TNXB: variants seen among roughly 807,000 people sequenced by gnomAD.
TNXB encodes the protein tenascin-X.
A neutral mutation model predicts 340.5 loss-of-function variants in TNXB; 183 were observed. The observed-to-expected ratio is 0.54, with a 90% CI of 0.48 to 0.61. The LOEUF is 0.61. Among genes scored for constraint, TNXB ranks in the 20% least tolerant of loss-of-function variants. The probability of loss-of-function intolerance (pLI) is 0.00; values close to 1 mark genes in which losing one functional copy is unlikely to be tolerated. For missense variants in TNXB, 4,613 were observed against 5,446.4 expected (o/e 0.85, Z 4.82); for synonymous variants, 2,121 against 2,314.5 (o/e 0.92, Z 2.40).
At position 32,046,979 on chromosome 6, in the gene TNXB, C is replaced by T. The variant is rs181496811; in HGVS notation, c.10325-523G>A. Among the ~76,000 whole-genome samples the T allele has an allele frequency of 2.6e-5, 4 of 152,376 alleles. No homozygotes were observed. Among genetic ancestry groups the T allele is most frequent in the African/African-American group, 9.6e-5 (4 of 41,594 alleles). Reference sequence around the variant, plus strand: ...TGAACATCCGTGCCTCCTGCTTCCCCAGCCCCACACTGACCCCACTGGGCC... The same window carrying T: ...TGAACATCCGTGCCTCCTGCTTCCCTAGCCCCACACTGACCCCACTGGGCC... On this transcript the variant is annotated intron_variant, in intron 30 of 43. Transcript: ENST00000644971. This position sits in a 1 kb window ranked among gnomAD's most constrained non-coding sequence, Gnocchi z 6.9.
At chr6:32,077,321 G>A (rs1204907600) in intron 11 of TNXB, among the ~76,000 whole-genome samples, 1 of 152,230 alleles carries the variant, frequency 6.6e-6, no homozygotes, top group East Asian at 1.9e-4. Context: ...GCTGACTGAG[G>A]CAAAGAAAAT....
Position 32,069,597 on chromosome 6 carries a change from T to C in TNXB, c.5543A>G (p.His1848Arg), listed in dbSNP as rs750438118. The change falls in exon 15 of 44, where the codon CAC becomes CGC. Residue 1848 changes from histidine to arginine, a missense_variant. Coordinates refer to ENST00000644971, the MANE Select transcript of TNXB (RefSeq NM_001365276.2). The surrounding 1 kb of genome is among the most constrained non-coding windows in gnomAD (Gnocchi z 6.2). ...GATGGGGCCCACACGCTTGCCGTGG[T>C]GCAGCCCGTAGAGCAGCAGCTTGTA... ...HRYKLLLYGL[H>R]HGKRVGPISA... The C allele has an allele frequency of 1.1e-5, 17 of 1,598,104 alleles. No individual in the cohort carries two copies. The highest frequency in any genetic ancestry group is 1.4e-5 in the Non-Finnish European group (16 of 1,169,858).
Position 32,068,985 on chromosome 6 carries a change from G to A in TNXB, c.5739C>T (p.Ile1913=). Residue 1913 remains isoleucine (I), a synonymous_variant, in exon 16 of 44, where the codon ATC becomes ATT. Transcript: ENST00000644971. The surrounding 1 kb of genome is among the most constrained non-coding windows in gnomAD (Gnocchi z 5.3). The part of the protein sequence containing the change: ...VTEGEFDSFE[I]QYTDRDGQLQ... The stretch of plus-strand genomic sequence containing the variant: ...GTTGCCCGTCTCTATCTGTGTACTG[G>A]ATTTCGAAGGAGTCAAATTCTCCCT... The A allele has an allele frequency of 6.2e-7, 1 of 1,612,922 alleles. No homozygotes were observed. The highest frequency in any genetic ancestry group is 1.1e-5 in the South Asian group (1 of 91,086).
chr6:32,062,265 C>T lies in TNXB; in HGVS notation c.7060G>A (p.Asp2354Asn). The T allele has an allele frequency of 6.2e-7, 1 of 1,613,342 alleles. No individual in the cohort carries two copies. The highest frequency in any genetic ancestry group is 8.5e-7 in the Non-Finnish European group (1 of 1,179,862). ...TCCAGGCCGGAGATGGTGACCCTGT[C>T]CTCATGTCCTGGCACCCGTGTTGCC... ...PKATRVPGHE[D>N]RVTISGLEPD... The change falls in exon 20 of 44, where the codon GAC becomes AAC. Residue 2354 changes from aspartate to asparagine, a missense_variant. This residue lies in a region of TNXB where 4,327 missense variants were observed against 4,859.4 expected (regional missense o/e 0.89). Transcript: ENST00000644971. The surrounding 1 kb of genome is among the most constrained non-coding windows in gnomAD (Gnocchi z 4.3).
Position 32,051,501 on chromosome 6 carries a change from A to G in TNXB, c.9115+1169T>C, listed in dbSNP as rs966963381. 1.4e-4 allele frequency among the ~76,000 whole-genome samples: 22 copies of G among 152,276 alleles called. No homozygotes were observed. Among genetic ancestry groups the G allele is most frequent in the African/African-American group, 5.3e-4 (22 of 41,480 alleles). ...GCACACAAATATTCATAGCAGCATT[A>G]TTCTTGATAGCTAAGAGGTGGAAGC... On this transcript the variant is annotated intron_variant, in intron 26 of 43. Coordinates refer to ENST00000644971, the MANE Select transcript of TNXB (RefSeq NM_001365276.2). This position sits in a 1 kb window ranked among gnomAD's most constrained non-coding sequence, Gnocchi z 4.7.
At position 32,056,089 on chromosome 6, in the gene TNXB, T is replaced by G. The variant is rs893173296; in HGVS notation, c.8229A>C (p.Thr2743=). ...PPEEPLLGEL[T]VTGSSPDSLS... is the part of the protein sequence containing the mutation. ...GCGAGTCAGGGGAGGATCCTGTCACTGTCAGCTCCCCCAGGAGCGGCTCCT... is the reference window on the plus strand; with the variant it reads ...GCGAGTCAGGGGAGGATCCTGTCACGGTCAGCTCCCCCAGGAGCGGCTCCT... The change falls in exon 24 of 44, where the codon ACA becomes ACC. Residue 2743 remains threonine (T), a synonymous_variant. Transcript: ENST00000644971. The G allele has an allele frequency of 5.0e-6, 8 of 1,612,588 alleles. No homozygotes were observed. Among genetic ancestry groups the G allele is most frequent in the African/African-American group, 1.3e-5 (1 of 74,896 alleles).
chr6:32,043,313 G>C lies in TNXB; in HGVS notation c.11656C>G (p.Pro3886Ala). ...DVQVTAPGAP[P>A]LQAETPGSAV... is the part of the protein sequence containing the mutation. ...CTGCCTGGGGTCTCCGCCTGCAGAG[G>C]CGGGGCTGGGAGTGTAGAGAGGGGC... is the stretch of plus-strand genomic sequence containing the variant. Residue 3886 changes from proline to alanine, a missense_variant, in exon 37 of 44, where the codon CCT (proline) becomes GCT (alanine). Around this residue, in one of 7 missense-constraint regions of TNXB, gnomAD observed 114 missense variants for 104.5 expected, o/e 1.09. Transcript: ENST00000644971. The C allele has an allele frequency of 2.8e-6, 1 of 359,196 alleles. No homozygotes were observed. The highest frequency in any genetic ancestry group is 4.7e-6 in the Non-Finnish European group (1 of 210,858). The allele number at this position is 359,196 out of a possible 1,614,324, so 22.3% of individuals were successfully genotyped here.
In TNXB at chr6:32,082,239, G is replaced by T; in HGVS notation, c.3533C>A (p.Ser1178Tyr). 6.2e-7 allele frequency: 1 copy of T among 1,610,106 alleles called. No homozygotes were observed. The highest frequency in any genetic ancestry group is 8.5e-7 in the Non-Finnish European group (1 of 1,178,746). ...AAACTGGCCCTCAGGGACAGTCCAG[G>T]AGAGGTGCAGTGAATCTGGGGTAGG... ...TDPTPDSLHL[S>Y]WTVPEGQFDT... is the part of the protein sequence containing the mutation. Residue 1178 changes from serine (S) to tyrosine (Y), a missense_variant, in exon 9 of 44, where the codon TCC becomes TAC. Transcript: ENST00000644971. The surrounding 1 kb of genome is among the most constrained non-coding windows in gnomAD (Gnocchi z 5.0).
At position 32,046,083 on chromosome 6, in the gene TNXB, T is replaced by C; in HGVS notation, c.10606+92A>G. ...CAGGCCAGGGCGCCCCACTCCGGCC[T>C]GCCCACTCCTGCAGTCATCTTTGTC... On this transcript the variant is annotated intron_variant, in intron 31 of 43. Coordinates refer to ENST00000644971, the MANE Select transcript of TNXB (RefSeq NM_001365276.2). The surrounding 1 kb of genome is among the most constrained non-coding windows in gnomAD (Gnocchi z 6.9). 6.6e-7 allele frequency: 1 copy of C among 1,507,704 alleles called. No individual in the cohort carries two copies. Among genetic ancestry groups the C allele is most frequent in the Non-Finnish European group, 8.9e-7 (1 of 1,128,916 alleles). 93.4% of individuals were successfully genotyped at this position (1,507,704 alleles called of 1,614,324 possible). A position where few individuals can be genotyped will look rare whatever the true frequency, so the allele number is the denominator to read the frequency against.
In TNXB at chr6:32,041,167, G is replaced by A. The variant is rs575440780; in HGVS notation, c.*182C>T. The A allele has an allele frequency of 4.2e-5, 65 of 1,548,122 alleles. No individual in the cohort carries two copies. In the East Asian group the frequency reaches 5.2e-4, roughly 12 times the overall value. On this transcript the variant is annotated 3_prime_UTR_variant, in exon 44 of 44. Coordinates refer to ENST00000644971, the MANE Select transcript of TNXB (RefSeq NM_001365276.2). ...GGACCGATGCCAGCCGGGTACCTCAGTTTCTCCTTTATTGCTCCCGTACGA... is the reference window on the plus strand; with the variant it reads ...GGACCGATGCCAGCCGGGTACCTCAATTTCTCCTTTATTGCTCCCGTACGA...
In TNXB at chr6:32,053,724, G is replaced by C. The variant is rs767396634; in HGVS notation, c.8468-13C>G. 1.9e-6 allele frequency: 3 copies of C among 1,605,552 alleles called. No individual in the cohort carries two copies. The highest frequency in any genetic ancestry group is 2.6e-6 in the Non-Finnish European group (3 of 1,174,080). On this transcript the variant is annotated splice_polypyrimidine_tract_variant and intron_variant, in intron 24 of 43. Transcript: ENST00000644971. ...TCATCCTCTGGAGCTGGACAGACAC[G>C]TGTGGGGAGAGTGAGGTCCCTGGGT...
Position 32,087,122 on chromosome 6 carries a change from G to A in TNXB, c.2780-1004C>T, listed in dbSNP as rs1225869855. The stretch of plus-strand genomic sequence containing the variant: ...TGTCCTGGGGGCCCCCTGGAGCCCC[G>A]GCCAGGTAGGGCCTGAAGGTAGAAG... On this transcript the variant is annotated intron_variant, in intron 6 of 43. Transcript: ENST00000644971. The surrounding 1 kb of genome is among the most constrained non-coding windows in gnomAD (Gnocchi z 9.0). 1.3e-5 allele frequency: 5 copies of A among 392,560 alleles called. No homozygotes were observed. Among genetic ancestry groups the A allele is most frequent in the Non-Finnish European group, 2.1e-5 (4 of 194,010 alleles). The allele number at this position is 392,560 out of a possible 1,614,324, so 24.3% of individuals were successfully genotyped here.
chr6:32,086,052 T>C lies in TNXB; in HGVS notation c.2846A>G (p.Gln949Arg). 1.3e-6 allele frequency: 2 copies of C among 1,597,398 alleles called. No homozygotes were observed. The highest frequency in any genetic ancestry group is 2.3e-5 in the South Asian group (2 of 88,626). ...EPPPSGPSTT[Q>R]GAQAPLLQQR... ...CTGCAGGAGAGGAGCCTGGGCCCCT[T>C]GCGTCGTCGAGGGGCCTGAGGGAGG... is the stretch of plus-strand genomic sequence containing the variant. Residue 949 changes from glutamine to arginine, a missense_variant, in exon 7 of 44, where the codon CAA becomes CGA. Coordinates refer to ENST00000644971, the MANE Select transcript of TNXB (RefSeq NM_001365276.2).
At position 32,058,294 on chromosome 6, in the gene TNXB, A is replaced by T. The variant is rs1486035606; in HGVS notation, c.7589T>A (p.Val2530Glu). Residue 2530 changes from valine to glutamate, a missense_variant, in exon 22 of 44, where the codon GTG becomes GAG. Transcript: ENST00000644971. This position sits in a 1 kb window ranked among gnomAD's most constrained non-coding sequence, Gnocchi z 5.1. ...CAGCGAGTCAGGGGAGGATCCTGTC[A>T]CTGTCAGCTCCCCCAGGAGAGGCTC... The part of the protein sequence containing the change: ...PEEPLLGELT[V>E]TGSSPDSLSL... The T allele has an allele frequency of 3.1e-6, 5 of 1,611,742 alleles. No individual in the cohort carries two copies. The highest frequency in any genetic ancestry group is 2.2e-5 in the East Asian group (1 of 44,866).
chr6:32,079,363 G>A lies in TNXB; in HGVS notation c.4045C>T (p.Pro1349Ser). The A allele has an allele frequency of 6.3e-7, 1 of 1,599,826 alleles. No homozygotes were observed. ...GPESVVAKTA[P>S]QEDVDETPSP... ...GGGGTCTCGTCCACATCCTCCTGAG[G>A]AGCTGAGAGAAGAGATAGAGGCATA... The change falls in exon 11 of 44, where the codon CCT becomes TCT. Residue 1349 changes from proline (P) to serine (S), a missense_variant and splice_region_variant. By Grantham distance (74) the Pro-to-Ser change is moderately conservative. This residue lies in a region of TNXB where 4,327 missense variants were observed against 4,859.4 expected (regional missense o/e 0.89). Coordinates refer to ENST00000644971, the MANE Select transcript of TNXB (RefSeq NM_001365276.2). The surrounding 1 kb of genome is among the most constrained non-coding windows in gnomAD (Gnocchi z 7.1).
At chr6:32,093,155 G>T in intron 4 of TNXB, 1 of 466,166 alleles carries the variant, frequency 2.1e-6, no homozygotes, top group Non-Finnish European at 3.8e-6. Context: ...CTTCCTTTTC[G>T]AAGTCCCACC....
At position 32,069,514 on chromosome 6, in the gene TNXB, G is replaced by A. The variant is rs540208376; in HGVS notation, c.5587+39C>T. 1.6e-5 allele frequency: 24 copies of A among 1,516,614 alleles called. No homozygotes were observed. The highest frequency in any genetic ancestry group is 4.0e-5 in the South Asian group (3 of 74,958). 93.9% of individuals were successfully genotyped at this position (1,516,614 alleles called of 1,614,324 possible). ...CTCAGTCAGACCAGGAGAGCCAGGC[G>A]GGAAGGAGGCACAGGTGTTCCAGCT... is the stretch of plus-strand genomic sequence containing the variant. On this transcript the variant is annotated intron_variant, in intron 15 of 43. Coordinates refer to ENST00000644971, the MANE Select transcript of TNXB (RefSeq NM_001365276.2). This position sits in a 1 kb window ranked among gnomAD's most constrained non-coding sequence, Gnocchi z 6.2.
chr6:32,050,702 A>T (rs1650000465), intron 26 of TNXB, among the ~76,000 whole-genome samples: 1 of 152,082 alleles, frequency 6.6e-6, no homozygotes, highest in Non-Finnish European at 1.5e-5. Context: ...CCGAGGCCAG[A>T]GCCTGGGGTG....
In TNXB at chr6:32,068,721, T is replaced by C. The variant is rs977732852; in HGVS notation, c.5903-14A>G. 1 of 1,609,402 alleles carries C rather than the reference T, an allele frequency of 6.2e-7. No homozygotes were observed. The highest frequency in any genetic ancestry group is 1.3e-5 in the African/African-American group (1 of 74,742). On this transcript the variant is annotated splice_polypyrimidine_tract_variant and intron_variant, in intron 16 of 43. Coordinates refer to ENST00000644971, the MANE Select transcript of TNXB (RefSeq NM_001365276.2). This position sits in a 1 kb window ranked among gnomAD's most constrained non-coding sequence, Gnocchi z 5.3. ...CCTCCTCCGGGACTGGACAGAGACA[T>C]GGAAAGAGAGGACTGAGGTGGGCAG...
Sources: allele counts gnomAD v4.1 joint callset (sites outside exome capture counted in the v4.1 genomes callset), GRCh38; gene constraint gnomAD v4.1.1; regional missense constraint gnomAD v4.1.1; non-coding constraint Gnocchi (gnomAD v3.1); transcripts MANE v1.5; gene names NCBI Gene and HGNC (gene_info 2026-07-23, HGNC 2026-07-21).